The following EFCAB14 variants were observed in gnomAD, a reference collection of about 807,000 sequenced individuals.
EFCAB14 encodes the protein EF-hand calcium-binding domain-containing protein 14.
A neutral mutation model predicts 56.5 loss-of-function variants in EFCAB14; 43 were observed. The ratio of observed to expected loss-of-function variants is 0.76; its 90% CI spans 0.60 to 0.98. The LOEUF (loss-of-function observed/expected upper bound fraction) is 0.98, where lower values mean the gene tolerates loss of function less well. EFCAB14 is among the 50% of genes least tolerant of loss of function. EFCAB14 has a pLI of 0.00. For synonymous variants in EFCAB14, 235 were observed against 212.9 expected (o/e 1.10, Z -0.90); for missense variants, 538 against 580.3 (o/e 0.93, Z 0.75).
chr1:46,692,341 T>C (rs990083373), intron 4 of EFCAB14, among the ~76,000 whole-genome samples: 1 of 152,228 alleles, frequency 6.6e-6, no homozygotes, highest in Non-Finnish European at 1.5e-5. Context: ...ACAGTTTATC[T>C]CTCCCCCTGC....
chr1:46,687,230 G>C (rs541724902), intron 7 of EFCAB14, among the ~76,000 whole-genome samples: 2 of 152,222 alleles, frequency 1.3e-5, no homozygotes, highest in African/African-American at 4.8e-5. Context: ...AGGGGGAGAG[G>C]GCAGAGACAG....
chr1:46,714,912 A>C (rs1434674843), intron 2 of EFCAB14, among the ~76,000 whole-genome samples: 7 of 152,214 alleles, frequency 4.6e-5, no homozygotes, highest in African/African-American at 1.7e-4. Context: ...AAACCTCCTT[A>C]AACTTTAAAA....
intron 5 of EFCAB14, among the ~76,000 whole-genome samples, 184 bp from the exon 6 acceptor site, chr1:46,689,875 G>C (rs928768508): frequency 2.6e-5 from 4 of 152,270 alleles, no homozygotes; most frequent in Admixed American, 2.6e-4. Flanking sequence ...CCCAGCTTGA[G>C]CATGCACTAG....
chr1:46,684,419 T>C (rs1676845199), intron 9 of EFCAB14, 72 bp downstream of exon 9: 2 of 1,253,594 alleles, frequency 1.6e-6, no homozygotes, highest in Non-Finnish European at 2.3e-6. Context: ...TGGAACACCT[T>C]CCCTGCTCCC....
Position 46,678,359 on chromosome 1 carries a change from C to T in EFCAB14, c.*102G>A, listed in dbSNP as rs1676729328. The T allele has an allele frequency of 8.0e-7, 1 of 1,252,654 alleles. No individual in the cohort carries two copies. The highest frequency in any genetic ancestry group is 1.1e-6 in the Non-Finnish European group (1 of 891,320). 77.6% of individuals were successfully genotyped at this position (1,252,654 alleles called of 1,614,324 possible). Reference sequence around the variant, plus strand: ...TTAAAAGGTGGCAAAGTATCTGCTACAGTAGTTTGGAGGACTAGAGGACTG... The same window carrying T: ...TTAAAAGGTGGCAAAGTATCTGCTATAGTAGTTTGGAGGACTAGAGGACTG... On this transcript the variant is annotated 3_prime_UTR_variant, in exon 11 of 11. Coordinates refer to ENST00000371933, the MANE Select transcript of EFCAB14 (RefSeq NM_014774.3).
rs1418981804 is a variant in EFCAB14 at position 46,675,624 on chromosome 1, GGA to G, written c.*2835_*2836del. 6.6e-6 allele frequency: 1 copy of G among 152,308 alleles called. No homozygotes were observed. The highest frequency in any genetic ancestry group is 1.5e-5 in the Non-Finnish European group (1 of 68,104). The allele number at this position is 152,308 out of a possible 1,614,324, so 9.4% of individuals were successfully genotyped here. On this transcript the variant is annotated 3_prime_UTR_variant, in exon 11 of 11. Coordinates refer to ENST00000371933, the MANE Select transcript of EFCAB14 (RefSeq NM_014774.3). ...GTTATGAACAGCAACCATAAAGAAA[GGA>G]ATCTCCAACAGAAGGGACAATGGCC... is the stretch of plus-strand genomic sequence containing the variant.
chr1:46,714,075 AT>A lies in EFCAB14; in HGVS notation c.334+2219del, dbSNP rs556471159. ...AACTCAGAAGAAAACCAAAGTCAGT[AT>A]TTTTTTTTTAAGCAACATCACTAGA... On this transcript the variant is annotated intron_variant, in intron 2 of 10. Coordinates refer to ENST00000371933, the MANE Select transcript of EFCAB14 (RefSeq NM_014774.3). Among the ~76,000 whole-genome samples, 8 of 150,272 alleles carry A rather than the reference AT, an allele frequency of 5.3e-5. No individual in the cohort carries two copies. In the South Asian group the frequency reaches 6.3e-4, roughly 12 times the overall value.
intron 7 of EFCAB14, among the ~76,000 whole-genome samples, chr1:46,687,449 T>C (rs1676903393): frequency 6.6e-6 from 1 of 152,184 alleles, no homozygotes; most frequent in South Asian, 2.1e-4. Flanking sequence ...ACTCCACCCT[T>C]CAAAGCCAAG....
intron 3 of EFCAB14, among the ~76,000 whole-genome samples, chr1:46,701,299 C>T (rs1677153488): frequency 6.6e-6 from 1 of 152,088 alleles, no homozygotes; most frequent in Non-Finnish European, 1.5e-5. Flanking sequence ...GGGTTCCTGC[C>T]CCAGGTATGT....
intron 2 of EFCAB14, among the ~76,000 whole-genome samples, chr1:46,712,012 G>A (rs10890413): frequency 0.38 from 58,386 of 151,980 alleles, 12,859 homozygotes; most frequent in Non-Finnish European, 0.5. Context: ...TGCTTTGGTA[G>A]CACAAATACA....
At chr1:46,681,248 T>C (rs1676789461) in intron 10 of EFCAB14, among the ~76,000 whole-genome samples, 1 of 152,184 alleles carries the variant, frequency 6.6e-6, no homozygotes, top group South Asian at 2.1e-4. Flanking sequence ...CATGAGCCAC[T>C]GCACCTGGCC....
chr1:46,689,723 A>T lies in EFCAB14; in HGVS notation c.691-32T>A, dbSNP rs943721506. 3.2e-6 allele frequency: 5 copies of T among 1,582,120 alleles called. No homozygotes were observed. In the Admixed American group the frequency reaches 8.3e-5, roughly 26 times the overall value. ...AGAGGAAAGAAGTTTAGTGTAGGCA[A>T]CAAGGAATTATTAGGTCTACTTAAC... On this transcript the variant is annotated intron_variant, in intron 5 of 10. Coordinates refer to ENST00000371933, the MANE Select transcript of EFCAB14 (RefSeq NM_014774.3).
At chr1:46,700,982 A>AGTGTGT (rs1464542399) in intron 3 of EFCAB14, among the ~76,000 whole-genome samples, 187 of 75,964 alleles carry the variant, frequency 2.5e-3, no homozygotes, top group East Asian at 0.017. Flanking sequence ...AGAGAGAGTG[A>AGTGTGT]GTGAGTGTGT....
chr1:46,692,908 C>T (rs1677021207), intron 4 of EFCAB14, among the ~76,000 whole-genome samples: 1 of 152,104 alleles, frequency 6.6e-6, no homozygotes, highest in Non-Finnish European at 1.5e-5. Context: ...GTTTATAAAT[C>T]TGGAACCCAG....
intron 4 of EFCAB14, 176 bp from the exon 5 acceptor site, chr1:46,692,113 C>T (rs1315366812): frequency 1.0e-5 from 5 of 484,800 alleles, no homozygotes; most frequent in Non-Finnish European, 1.8e-5. Context: ...CCTCATGACT[C>T]TCTGTAATCA....
intron 5 of EFCAB14, among the ~76,000 whole-genome samples, chr1:46,691,331 G>C (rs963714482): frequency 1.3e-5 from 2 of 152,174 alleles, no homozygotes; most frequent in Non-Finnish European, 2.9e-5. Flanking sequence ...TCCATGTGTT[G>C]TAGGCTGCAT....
intron 3 of EFCAB14, among the ~76,000 whole-genome samples, chr1:46,702,793 G>A (rs1677178913): frequency 6.6e-6 from 1 of 152,142 alleles, no homozygotes; most frequent in East Asian, 1.9e-4. Flanking sequence ...ATCACATAAG[G>A]TATTTGGACT....
chr1:46,710,480 C>G (rs1677293015), intron 2 of EFCAB14, among the ~76,000 whole-genome samples: 2 of 152,160 alleles, frequency 1.3e-5, no homozygotes, highest in African/African-American at 4.8e-5. Flanking sequence ...CTCCCTATCC[C>G]TTCTTCCCCT....
chr1:46,710,388 A>C (rs1364098274), intron 2 of EFCAB14, among the ~76,000 whole-genome samples: 3 of 152,002 alleles, frequency 2.0e-5, no homozygotes, highest in African/African-American at 7.3e-5. Flanking sequence ...TCTAGTGTTA[A>C]CTCTAGTCAT....
Sources: gnomAD v4.1 joint callset for allele counts (sites outside exome capture counted in the v4.1 genomes callset) on GRCh38, gnomAD v4.1.1 for gene constraint, MANE v1.5 for transcripts, NCBI Gene and HGNC (gene_info 2026-07-23, HGNC 2026-07-21) for gene names.